The following TJP1 variants were observed in gnomAD, a reference collection of about 807,000 sequenced individuals.
TJP1 encodes tight junction protein 1, also known as tight junction protein ZO-1.
A neutral mutation model predicts 194.2 loss-of-function variants in TJP1; 43 were observed. That is an observed-to-expected ratio of 0.22 (90% CI 0.17 to 0.29). The LOEUF is 0.29. TJP1 is among the 10% of genes least tolerant of loss of function. The pLI is 1.00. For synonymous variants in TJP1, 801 were observed against 779.0 expected, an observed-to-expected ratio of 1.03 and a Z score of -0.47; for missense variants, 1,971 against 2,185.7, an observed-to-expected ratio of 0.90 and a Z score of 1.96.
chr15:29,741,510 A>G lies in TJP1; in HGVS notation c.1151-74T>C. ...AATAATGCAAGCAACCAAGCAATAT[A>G]TGATTCATAAGTTCAGAGAACCTGA... On this transcript the variant is annotated intron_variant, in intron 9 of 27. Coordinates refer to ENST00000614355, the MANE Select transcript of TJP1 (RefSeq NM_001330239.4). 1.3e-5 allele frequency: 13 copies of G among 966,622 alleles called. No homozygotes were observed. In the South Asian group the frequency reaches 1.7e-4, roughly 13 times the overall value. The allele number at this position is 966,622 out of a possible 1,614,324, so 59.9% of individuals were successfully genotyped here.
At chr15:29,879,448 C>T (rs898737070) in intron 2 of TJP1, among the ~76,000 whole-genome samples, 1 of 152,196 alleles carries the variant, frequency 6.6e-6, no homozygotes, top group Non-Finnish European at 1.5e-5. Flanking sequence ...GACCTGAGAG[C>T]CCAATTCTCC....
intron 8 of TJP1, among the ~76,000 whole-genome samples, chr15:29,747,339 T>C (rs2151397492): frequency 6.6e-6 from 1 of 152,308 alleles, no homozygotes; most frequent in South Asian, 2.1e-4. Flanking sequence ...TTTTAGCCAT[T>C]ACTTGTGTAA....
At chr15:29,870,322 G>T (rs1484546891) in intron 2 of TJP1, among the ~76,000 whole-genome samples, 1 of 152,152 alleles carries the variant, frequency 6.6e-6, no homozygotes, top group Admixed American at 6.5e-5. Flanking sequence ...AAAGAGAAAG[G>T]GATCCAAGAG....
chr15:29,964,211 C>A (rs2056257441), intron 1 of TJP1, among the ~76,000 whole-genome samples: 1 of 151,986 alleles, frequency 6.6e-6, no homozygotes, highest in Non-Finnish European at 1.5e-5. Context: ...TGACAAGTGT[C>A]CTTATAAGAG....
chr15:29,755,542 T>C (rs989242456), intron 8 of TJP1, among the ~76,000 whole-genome samples: 2 of 152,184 alleles, frequency 1.3e-5, no homozygotes, highest in Non-Finnish European at 2.9e-5. Context: ...CTGACACACC[T>C]TTTACTTTAG....
chr15:29,723,897 A>G (rs1175275096), intron 18 of TJP1, among the ~76,000 whole-genome samples: 1 of 152,208 alleles, frequency 6.6e-6, no homozygotes, highest in African/African-American at 2.4e-5. Flanking sequence ...ACCTGGATGA[A>G]AAAGAACACT....
chr15:29,772,312 G>T, intron 3 of TJP1, 146 bp from the exon 4 acceptor site: 1 of 553,086 alleles, frequency 1.8e-6, no homozygotes, highest in Non-Finnish European at 3.1e-6. Context: ...ATAAAATAAT[G>T]TCAACTGACT....
chr15:29,862,860 G>A (rs2052141183), intron 2 of TJP1, among the ~76,000 whole-genome samples: 2 of 150,910 alleles, frequency 1.3e-5, no homozygotes, highest in South Asian at 4.2e-4. Flanking sequence ...GTGTTAGCCA[G>A]GATGGTCGCG....
chr15:29,779,176 T>G (rs113718894), intron 2 of TJP1, among the ~76,000 whole-genome samples: 16 of 152,230 alleles, frequency 1.1e-4, no homozygotes, highest in Non-Finnish European at 2.1e-4. Flanking sequence ...TCAAGCTGAT[T>G]AAGACCACCG....
intron 1 of TJP1, among the ~76,000 whole-genome samples, chr15:29,966,972 C>A (rs1174909734): frequency 6.6e-6 from 1 of 151,838 alleles, no homozygotes; most frequent in Admixed American, 6.6e-5. Context: ...TGTGGCTAAC[C>A]TTGTCTTCTA....
rs548900534 is a variant in TJP1, at chr15:29,838,003, C to T, written c.307-37301G>A. Among the ~76,000 whole-genome samples the T allele has an allele frequency of 2.6e-5, 4 of 152,142 alleles. No individual in the cohort carries two copies. In the South Asian group the frequency reaches 6.2e-4, roughly 24 times the overall value. On this transcript the variant is annotated intron_variant, in intron 2 of 28. Transcript: ENST00000356107. ...TTTTAGACTTAGGAGGATTCATTTC[C>T]AGCTCTCCAAAAATGTCCATCCCTT...
At chr15:29,814,077 C>T (rs2049726561) in intron 1 of TJP1, among the ~76,000 whole-genome samples, 1 of 152,180 alleles carries the variant, frequency 6.6e-6, no homozygotes, top group Non-Finnish European at 1.5e-5. Context: ...TGATACCAAA[C>T]ATATGCAGAA....
upstream of TJP1, among the ~76,000 whole-genome samples, chr15:29,826,993 C>A (rs994819766): frequency 6.6e-6 from 1 of 152,184 alleles, no homozygotes; most frequent in Non-Finnish European, 1.5e-5. Context: ...GCTCTTGATA[C>A]CCCTGCTGGT....
At chr15:29,803,538 G>A (rs2048922603) in intron 1 of TJP1, among the ~76,000 whole-genome samples, 2 of 152,120 alleles carry the variant, frequency 1.3e-5, no homozygotes, top group African/African-American at 2.4e-5. Flanking sequence ...TTCAACTTAC[G>A]ATGAGTTTAA....
intron 2 of TJP1, among the ~76,000 whole-genome samples, chr15:29,796,316 A>T (rs1209312272): frequency 6.6e-6 from 1 of 151,818 alleles, no homozygotes; most frequent in Non-Finnish European, 1.5e-5. Context: ...TACAACTAGT[A>T]ATTTTAAGAC....
At chr15:29,900,957 CAGAGGGAGGATAT>C (rs2053615251) in intron 2 of TJP1, among the ~76,000 whole-genome samples, 1 of 152,056 alleles carries the variant, frequency 6.6e-6, no homozygotes, top group Admixed American at 6.5e-5. Flanking sequence ...ATGATTGACT[CAGAGGGAGGATAT>C]CTAGGAGGGC....
In TJP1 at chr15:29,864,237, C is replaced by CAAAAAAAAAAAAAA. The variant is rs397975539; in HGVS notation, c.307-63549_307-63536dup. Among the ~76,000 whole-genome samples the CAAAAAAAAAAAAAA allele has an allele frequency of 2.0e-3, 38 of 18,944 alleles. 4 individuals are homozygous for CAAAAAAAAAAAAAA. Among genetic ancestry groups the CAAAAAAAAAAAAAA allele is most frequent in the Middle Eastern group, 0.1 (1 of 10 alleles). The allele number at this position is 18,944 out of a possible 152,430, so 12.4% of individuals were successfully genotyped here. A position where few individuals can be genotyped will look rare whatever the true frequency, so the allele number is the denominator to read the frequency against. The stretch of plus-strand genomic sequence containing the variant: ...TGAAACCCCGTCTCTACTAAAAATA[C>CAAAAAAAAAAAAAA]AAAAAAAAAAAAAAAAAAAAAAAAA... On this transcript the variant is annotated intron_variant, in intron 2 of 28. Transcript: ENST00000356107.
rs371474926 is a variant in TJP1, at chr15:29,820,499, T to C, written c.27+1503A>G. 3.1e-4 allele frequency: 219 copies of C among 716,524 alleles called. 3 individuals are homozygous for C. Among genetic ancestry groups the C allele is most frequent in the South Asian group, 1.9e-3 (129 of 67,562 alleles). The allele number at this position is 716,524 out of a possible 1,614,324, so 44.4% of individuals were successfully genotyped here. ...CAATATGCCATACAAATCTCAATAC[T>C]ATAATTCAGGAGAAGTACTCCTCCT... On this transcript the variant is annotated intron_variant, in intron 1 of 27. Transcript: ENST00000614355.
intron 1 of TJP1, among the ~76,000 whole-genome samples, chr15:29,820,896 G>A (rs886713728): frequency 2.0e-5 from 3 of 152,164 alleles, no homozygotes; most frequent in Admixed American, 6.5e-5. Flanking sequence ...GCTTCTCCCA[G>A]CCAGCAAACA....
Sources: gnomAD v4.1 joint callset for allele counts (sites outside exome capture counted in the v4.1 genomes callset) on GRCh38, gnomAD v4.1.1 for gene constraint, MANE v1.5 for transcripts, NCBI Gene and HGNC (gene_info 2026-07-23, HGNC 2026-07-21) for gene names.